The following SV2B variants were observed in gnomAD, a reference collection of about 807,000 sequenced individuals.
SV2B encodes synaptic vesicle glycoprotein 2B, also known as solute carrier family 22 member B2.
In SV2B, 41 loss-of-function variants were observed where a neutral mutation model predicts 73.9. The ratio of observed to expected loss-of-function variants is 0.56; its 90% CI spans 0.43 to 0.72. The LOEUF is 0.72. Ranked by LOEUF, SV2B falls within the 30% of genes least tolerant of loss-of-function variation. The pLI is 0.00. For synonymous variants in SV2B, 314 were observed against 314.2 expected (o/e 1.00, Z 0.01); for missense variants, 764 against 857.8 (o/e 0.89, Z 1.37).
intron 1 of SV2B, among the ~76,000 whole-genome samples, chr15:91,174,538 C>G (rs983579807): frequency 6.6e-6 from 1 of 152,152 alleles, no homozygotes; most frequent in Non-Finnish European, 1.5e-5. Flanking sequence ...CCTGCACTGT[C>G]CCACCCTACC....
chr15:91,107,712 T>A (rs1459568957), intron 1 of SV2B, among the ~76,000 whole-genome samples: 1 of 152,086 alleles, frequency 6.6e-6, no homozygotes, highest in Non-Finnish European at 1.5e-5. Flanking sequence ...CGGGCTCAAG[T>A]GATCTTCCCA....
rs140497350 is a variant in SV2B, at chr15:91,122,209, G to A, written c.-392+21846G>A. On this transcript the variant is annotated intron_variant, in intron 1 of 12. Transcript: ENST00000394232. This position sits in a 1 kb window ranked among gnomAD's most constrained non-coding sequence, Gnocchi z 4.3. ...GCTACTAGAAATGTATTATCTCATC[G>A]ATATATGTTCCATTAAAGCCAGGGG... 3.2e-4 allele frequency among the ~76,000 whole-genome samples: 48 copies of A among 152,242 alleles called. No homozygotes were observed. Among genetic ancestry groups the A allele is most frequent in the African/African-American group, 1.1e-3 (46 of 41,532 alleles).
Position 91,118,674 on chromosome 15 carries a change from A to T in SV2B, c.-392+18311A>T, listed in dbSNP as rs1263499808. On this transcript the variant is annotated intron_variant, in intron 1 of 12. Coordinates refer to ENST00000394232, the MANE Select transcript of SV2B (RefSeq NM_001323032.3). The surrounding 1 kb of genome is among the most constrained non-coding windows in gnomAD (Gnocchi z 4.7). ...CCCAAGAGGGCCGAGGTGAGGCTGA[A>T]CACTGTCTCAAGAAAACTTTATACA... Among the ~76,000 whole-genome samples the T allele has an allele frequency of 6.6e-6, 1 of 152,200 alleles. No individual in the cohort carries two copies. The highest frequency in any genetic ancestry group is 1.5e-5 in the Non-Finnish European group (1 of 68,032).
intron 1 of SV2B, among the ~76,000 whole-genome samples, chr15:91,167,755 C>A (rs1053061800): frequency 6.6e-6 from 1 of 152,170 alleles, no homozygotes; most frequent in East Asian, 1.9e-4. Flanking sequence ...AATTAGATAT[C>A]TTTGCAGGGG....
intron 4 of SV2B, among the ~76,000 whole-genome samples, chr15:91,254,535 C>A (rs2047613086): frequency 6.6e-6 from 1 of 152,154 alleles, no homozygotes; most frequent in African/African-American, 2.4e-5. Flanking sequence ...CAGTGCCCGG[C>A]TTATTTTCAC....
At chr15:91,163,262 C>A (rs943324965) in intron 1 of SV2B, among the ~76,000 whole-genome samples, 2 of 152,126 alleles carry the variant, frequency 1.3e-5, no homozygotes, top group Admixed American at 1.3e-4. Context: ...GATTTTTAAC[C>A]CTTTGGGTGT....
intron 2 of SV2B, among the ~76,000 whole-genome samples, chr15:91,249,895 C>G (rs1364717776): frequency 6.6e-6 from 1 of 152,190 alleles, no homozygotes; most frequent in Non-Finnish European, 1.5e-5. Flanking sequence ...GAAGAAAAGC[C>G]TAGGACCTGC....
chr15:91,279,546 C>T (rs984904565), intron 9 of SV2B, among the ~76,000 whole-genome samples: 2 of 152,180 alleles, frequency 1.3e-5, no homozygotes, highest in South Asian at 2.1e-4. Context: ...TTATGTAGAG[C>T]GTCATAAAAT....
intron 1 of SV2B, among the ~76,000 whole-genome samples, chr15:91,163,626 G>C (rs1039014095): frequency 1.8e-4 from 28 of 152,154 alleles, no homozygotes; most frequent in Admixed American, 1.7e-3. Context: ...ATTTATTCTT[G>C]TAAATTTGTT....
intron 9 of SV2B, among the ~76,000 whole-genome samples, chr15:91,274,489 T>C (rs993478951): frequency 6.6e-6 from 1 of 152,222 alleles, no homozygotes; most frequent in African/African-American, 2.4e-5. Flanking sequence ...CATTTTGTAA[T>C]GGTATTTGTA....
chr15:91,244,052 G>A (rs1024722799), intron 2 of SV2B, among the ~76,000 whole-genome samples: 4 of 152,158 alleles, frequency 2.6e-5, no homozygotes, highest in Non-Finnish European at 5.9e-5. Flanking sequence ...ATAATTTGGG[G>A]CATTGGTGAC....
rs563835058 is a variant in SV2B at position 91,259,863 on chromosome 15, C to G, written c.919-457C>G. On this transcript the variant is annotated intron_variant, in intron 5 of 12. Transcript: ENST00000394232. The stretch of plus-strand genomic sequence containing the variant: ...CCAGAATGTCGTAATCTTAATTTAG[C>G]TAATTGCACCTGCCACGACCCTATT... Among the ~76,000 whole-genome samples, 279 of 152,266 alleles carry G rather than the reference C, an allele frequency of 1.8e-3. 1 individual carries two copies. The highest frequency in any genetic ancestry group is 6.6e-3 in the African/African-American group (273 of 41,552).
chr15:91,296,428 C>T lies in SV2B; in HGVS notation c.*3876C>T, dbSNP rs2049226373. The stretch of plus-strand genomic sequence containing the variant: ...GGAAAGCCAGGGCTGGAGTGGCTGC[C>T]TTTGATCATGGGAGCACACTCCTTC... On this transcript the variant is annotated 3_prime_UTR_variant, in exon 13 of 13. Coordinates refer to ENST00000394232, the MANE Select transcript of SV2B (RefSeq NM_001323032.3). 6.6e-6 allele frequency: 1 copy of T among 152,324 alleles called. No homozygotes were observed. Among genetic ancestry groups the T allele is most frequent in the South Asian group, 2.1e-4 (1 of 4,842 alleles). 9.4% of individuals were successfully genotyped at this position (152,324 alleles called of 1,614,324 possible).
intron 1 of SV2B, among the ~76,000 whole-genome samples, chr15:91,218,075 A>G (rs914324721): frequency 2.0e-5 from 3 of 152,246 alleles, no homozygotes; most frequent in Non-Finnish European, 4.4e-5. Flanking sequence ...AGACAGATTA[A>G]CAAGAGAAAA....
intron 9 of SV2B, among the ~76,000 whole-genome samples, chr15:91,271,376 A>G (rs2048314221): frequency 6.6e-6 from 1 of 152,186 alleles, no homozygotes; most frequent in African/African-American, 2.4e-5. Flanking sequence ...AATAATGGTA[A>G]CTGTAGCAGC....
intron 1 of SV2B, among the ~76,000 whole-genome samples, chr15:91,181,927 A>G: frequency 6.7e-6 from 1 of 150,066 alleles, no homozygotes. Flanking sequence ...TTAGATATAG[A>G]TAGATAGGTA....
chr15:91,214,542 G>C lies in SV2B; in HGVS notation c.-391-11331G>C, dbSNP rs1002102063. On this transcript the variant is annotated intron_variant, in intron 1 of 12. Transcript: ENST00000394232. This position sits in a 1 kb window ranked among gnomAD's most constrained non-coding sequence, Gnocchi z 4.7. ...ACACATGAAGAAACTGAAGCTTAAG[G>C]TTCAGAAACCTGCTCTGATTCACAG... 6.6e-6 allele frequency among the ~76,000 whole-genome samples: 1 copy of C among 152,170 alleles called. No homozygotes were observed. The highest frequency in any genetic ancestry group is 1.5e-5 in the Non-Finnish European group (1 of 68,028).
At chr15:91,184,510 T>C (rs1014109912) in intron 1 of SV2B, among the ~76,000 whole-genome samples, 1 of 152,208 alleles carries the variant, frequency 6.6e-6, no homozygotes, top group African/African-American at 2.4e-5. Flanking sequence ...AAATATCCCC[T>C]CTTTAAAGAA....
rs963148296 is a variant in SV2B at position 91,106,681 on chromosome 15, G to A, written c.-392+6318G>A. ...AAAATAGCTCATATTTTCAAAAAATGAGAAAAGATCCTTTAGAGGGAGGTG... is the reference window on the plus strand; with the variant it reads ...AAAATAGCTCATATTTTCAAAAAATAAGAAAAGATCCTTTAGAGGGAGGTG... On this transcript the variant is annotated intron_variant, in intron 1 of 12. Coordinates refer to ENST00000394232, the MANE Select transcript of SV2B (RefSeq NM_001323032.3). The surrounding 1 kb of genome is among the most constrained non-coding windows in gnomAD (Gnocchi z 4.4). Among the ~76,000 whole-genome samples the A allele has an allele frequency of 1.3e-5, 2 of 152,184 alleles. No individual in the cohort carries two copies. Among genetic ancestry groups the A allele is most frequent in the Non-Finnish European group, 2.9e-5 (2 of 68,024 alleles).
Sources: gnomAD v4.1 joint callset for allele counts (sites outside exome capture counted in the v4.1 genomes callset) on GRCh38, gnomAD v4.1.1 for gene constraint, Gnocchi (gnomAD v3.1) non-coding constraint, MANE v1.5 for transcripts, NCBI Gene and HGNC (gene_info 2026-07-23, HGNC 2026-07-21) for gene names.